CYP4F3: variants seen among roughly 807,000 people sequenced by gnomAD.
The protein encoded by CYP4F3 is cytochrome P450 family 4 subfamily F member 3, also known as cytochrome P450 4F3.
In CYP4F3, 50 loss-of-function variants were observed where a neutral mutation model predicts 54.8. The observed-to-expected ratio is 0.91, with a 90% CI of 0.73 to 1.16. CYP4F3 has a LOEUF of 1.16. Ranked by LOEUF, CYP4F3 falls within the 50% of genes most tolerant of loss-of-function variation. CYP4F3 has a pLI of 0.00. For missense variants in CYP4F3, 715 were observed against 676.2 expected, an observed-to-expected ratio of 1.06 and a Z score of -0.64; for synonymous variants, 244 against 262.6, an observed-to-expected ratio of 0.93 and a Z score of 0.69.
intron 3 of CYP4F3, among the ~76,000 whole-genome samples, 159 bp downstream of exon 3, chr19:15,646,022 C>G (rs1349687913): frequency 6.6e-6 from 1 of 152,200 alleles, no homozygotes; most frequent in Non-Finnish European, 1.5e-5. Context: ...GGACTTCCAT[C>G]TGTCTGACCT....
chr19:15,647,205 C>A lies in CYP4F3; in HGVS notation c.406C>A (p.Leu136Ile), dbSNP rs763337637. The stretch of plus-strand genomic sequence containing the variant: ...CTTGGCTGCCCTGCCAGGGGATGGG[C>A]TCCTGCTGAGTGCTGGTGAAAAGTG... Reference protein sequence around the residue: ...SFLKPWLGDGLLLSAGEKWSR... With the variant: ...SFLKPWLGDGILLSAGEKWSR... Residue 136 changes from leucine (L) to isoleucine (I), a missense_variant, in exon 5 of 13, where the codon CTC becomes ATC. Leu to Ile is a conservative substitution (Grantham distance 5, BLOSUM62 2). Transcript: ENST00000221307. 1 of 1,614,122 alleles carries A rather than the reference C, an allele frequency of 6.2e-7. No homozygotes were observed. The highest frequency in any genetic ancestry group is 8.5e-7 in the Non-Finnish European group (1 of 1,180,056).
chr19:15,652,950 A>ATGG lies in CYP4F3; in HGVS notation c.1115+1_1115+3dup. ...AGGACCGTGAGCCTAAAGAGATTGA[A>ATGG]TGGTGAGTGCAGGTGCTGGTGCCCT... On this transcript the variant is annotated inframe_insertion and splice_region_variant, in exon 9 of 13. Transcript: ENST00000221307. 2 of 1,605,776 alleles carry ATGG rather than the reference A, an allele frequency of 1.2e-6. No homozygotes were observed. The highest frequency in any genetic ancestry group is 2.2e-5 in the South Asian group (2 of 89,944).
intron 2 of CYP4F3, among the ~76,000 whole-genome samples, chr19:15,645,027 T>C (rs1156944343): frequency 6.6e-6 from 1 of 152,204 alleles, no homozygotes; most frequent in Non-Finnish European, 1.5e-5. Flanking sequence ...TCTCACACAG[T>C]GTTACTTCCT....
chr19:15,650,965 T>C (rs1481681938), intron 7 of CYP4F3, among the ~76,000 whole-genome samples: 1 of 149,398 alleles, frequency 6.7e-6, no homozygotes, highest in Non-Finnish European at 1.5e-5. Context: ...AACCCCTGCC[T>C]CCCGGGTTCA....
intron 2 of CYP4F3, 103 bp from the exon 3 acceptor site, chr19:15,645,616 C>T (rs1972599717): frequency 4.8e-6 from 7 of 1,449,840 alleles, no homozygotes; most frequent in Non-Finnish European, 6.5e-6. Flanking sequence ...AGATGAGATG[C>T]TGCTTGAAAT....
chr19:15,641,340 C>T, intron 1 of CYP4F3, 75 bp from the exon 2 acceptor site: 1 of 1,562,454 alleles, frequency 6.4e-7, no homozygotes, highest in Non-Finnish European at 8.7e-7. Flanking sequence ...CTCTGCCTCT[C>T]TCCACTGTCC....
chr19:15,641,544 C>A lies in CYP4F3; in HGVS notation c.129C>A (p.Asp43Glu). ...TGGCCTGGACCTATACCTTCTATGA[C>A]AACTGCTGCCGCCTCCGGTGTTTCC... ...RILAWTYTFY[D>E]NCCRLRCFPQ... The change falls in exon 2 of 13, where the codon GAC (aspartate) becomes GAA (glutamate). Residue 43 changes from aspartate (D) to glutamate (E), a missense_variant. By Grantham distance (45) the Asp-to-Glu change is conservative. Coordinates refer to ENST00000221307, the MANE Select transcript of CYP4F3 (RefSeq NM_000896.3). 2 of 1,614,170 alleles carry A rather than the reference C, an allele frequency of 1.2e-6. No homozygotes were observed. Among genetic ancestry groups the A allele is most frequent in the Non-Finnish European group, 1.7e-6 (2 of 1,180,026 alleles).
rs773434093 is a variant in CYP4F3, at chr19:15,662,749, A to T, written c.*3364A>T. 33 of 152,222 alleles carry T rather than the reference A, an allele frequency of 2.2e-4. No homozygotes were observed. The highest frequency in any genetic ancestry group is 1.8e-4 in the Non-Finnish European group (12 of 68,042). 9.4% of individuals were successfully genotyped at this position (152,222 alleles called of 1,614,324 possible). A position where few individuals can be genotyped will look rare whatever the true frequency, so the allele number is the denominator to read the frequency against. On this transcript the variant is annotated 3_prime_UTR_variant, in exon 13 of 13. Coordinates refer to ENST00000221307, the MANE Select transcript of CYP4F3 (RefSeq NM_000896.3). ...GTAGTTTTCACCATGACAGTCTTGC[A>T]CATATTTTGTTAAATGTACAGCTGA... is the stretch of plus-strand genomic sequence containing the variant.
rs1972444848 is a variant in CYP4F3 at position 15,640,929 on chromosome 19, G to A, written c.-18G>A. ...GGGGAGAGGAGGTTGTGTGGGACAA[G>A]GTGCTCCTGACAGAAGGTGCCAGGG... On this transcript the variant is annotated 5_prime_UTR_variant, in exon 1 of 13. Transcript: ENST00000221307. 6.4e-6 allele frequency: 1 copy of A among 157,446 alleles called. No individual in the cohort carries two copies. Among genetic ancestry groups the A allele is most frequent in the Admixed American group, 6.2e-5 (1 of 16,002 alleles). The allele number at this position is 157,446 out of a possible 1,614,324, so 9.8% of individuals were successfully genotyped here. A position where few individuals can be genotyped will look rare whatever the true frequency, so the allele number is the denominator to read the frequency against.
chr19:15,644,165 C>G, intron 2 of CYP4F3: 1 of 1,271,930 alleles, frequency 7.9e-7, no homozygotes, highest in African/African-American at 1.6e-5. Flanking sequence ...CTTTCCTTCT[C>G]TCTCAGCCAT....
chr19:15,654,722 G>A (rs1395404910), intron 9 of CYP4F3, among the ~76,000 whole-genome samples: 1 of 152,212 alleles, frequency 6.6e-6, no homozygotes, highest in African/African-American at 2.4e-5. Flanking sequence ...ATTCCATTGT[G>A]TATACACACT....
At chr19:15,656,727 T>TC (rs747933343) in intron 9 of CYP4F3, among the ~76,000 whole-genome samples, 4,111 of 96,302 alleles carry the variant, frequency 0.043, 77 homozygotes, top group Middle Eastern at 0.077. Context: ...ATATCATCTA[T>TC]TTATCTATCT....
intron 9 of CYP4F3, among the ~76,000 whole-genome samples, chr19:15,654,070 C>T (rs1434942338): frequency 2.1e-5 from 3 of 145,356 alleles, no homozygotes; most frequent in South Asian, 2.3e-4. Context: ...CATTCTGAGG[C>T]TCAAGCCAGG....
intron 9 of CYP4F3, among the ~76,000 whole-genome samples, chr19:15,656,592 T>C (rs1973026704): frequency 7.1e-6 from 1 of 141,058 alleles, no homozygotes; most frequent in African/African-American, 2.6e-5. Flanking sequence ...ATCATCTATC[T>C]CTATTATCTG....
rs538433458 is a variant in CYP4F3, at chr19:15,662,627, C to A, written c.*3242C>A. ...GATTTCTGTGAATCTATAGATCAAT[C>A]TGAGGAGACTTAATAATGATATTGA... On this transcript the variant is annotated 3_prime_UTR_variant, in exon 13 of 13. Coordinates refer to ENST00000221307, the MANE Select transcript of CYP4F3 (RefSeq NM_000896.3). 6.6e-6 allele frequency: 1 copy of A among 152,302 alleles called. No individual in the cohort carries two copies. Among genetic ancestry groups the A allele is most frequent in the African/African-American group, 2.4e-5 (1 of 41,552 alleles). 9.4% of individuals were successfully genotyped at this position (152,302 alleles called of 1,614,324 possible).
At chr19:15,652,996 G>A (rs371827537) in intron 9 of CYP4F3, 44 bp downstream of exon 9, 1 of 1,558,338 alleles carries the variant, frequency 6.4e-7, no homozygotes, top group Non-Finnish European at 8.7e-7. Flanking sequence ...CTGTCTCATT[G>A]GCTCTGTTCC....
At chr19:15,659,095 A>T (rs1310216779) in intron 12 of CYP4F3, 125 bp from the exon 13 acceptor site, 14 of 1,366,686 alleles carry the variant, frequency 1.0e-5, no homozygotes, top group East Asian at 5.0e-5. Flanking sequence ...CCAGGCACGG[A>T]TACCCCCTTC....
At chr19:15,650,672 C>CTT (rs1326357009) in intron 7 of CYP4F3, among the ~76,000 whole-genome samples, 3 of 42,066 alleles carry the variant, frequency 7.1e-5, no homozygotes, top group Non-Finnish European at 1.2e-4. Context: ...TTCTTTCTTT[C>CTT]TTTCTTTCTT....
At position 15,644,045 on chromosome 19, in the gene CYP4F3, G is replaced by A. The variant is rs756016922; in HGVS notation, c.199-1674G>A. ...CAACATCATCCGGTCTGTCATCAACGCCTCAGGTACCACCTGGAATACTTG... is the reference window on the plus strand; with the variant it reads ...CAACATCATCCGGTCTGTCATCAACACCTCAGGTACCACCTGGAATACTTG... On this transcript the variant is annotated intron_variant, in intron 2 of 12. Transcript: ENST00000221307. 53 of 1,583,412 alleles carry A rather than the reference G, an allele frequency of 3.3e-5. No individual in the cohort carries two copies. In the South Asian group the frequency reaches 4.4e-4, roughly 13 times the overall value.
Sources: allele counts gnomAD v4.1 joint callset (sites outside exome capture counted in the v4.1 genomes callset), GRCh38; gene constraint gnomAD v4.1.1; transcripts MANE v1.5; gene names NCBI Gene and HGNC (gene_info 2026-07-23, HGNC 2026-07-21).